Variants in TRPM3 observed in about 807,000 individuals in gnomAD.
The protein encoded by TRPM3 is long transient receptor potential channel 3.
In TRPM3, 77 loss-of-function variants were observed where a neutral mutation model predicts 181.2. That is an observed-to-expected ratio of 0.42 (90% CI 0.35 to 0.51). The LOEUF is 0.51. Among genes scored for constraint, TRPM3 ranks in the 20% least tolerant of loss-of-function variants. The probability of loss-of-function intolerance (pLI) is 0.01; values close to 1 mark genes in which losing one functional copy is unlikely to be tolerated. For synonymous variants in TRPM3, 745 were observed against 796.4 expected (o/e 0.94, Z 1.09); for missense variants, 1,759 against 2,196.7 (o/e 0.80, Z 3.98).
At chr9:71,184,831 T>G (rs1015936100) in intron 1 of TRPM3, among the ~76,000 whole-genome samples, 3 of 152,118 alleles carry the variant, frequency 2.0e-5, no homozygotes, top group African/African-American at 7.2e-5. Flanking sequence ...CATGTGTTGC[T>G]TAGGCCAGAG....
chr9:70,643,427 CA>C (rs2058368423), intron 9 of TRPM3, among the ~76,000 whole-genome samples: 1 of 152,142 alleles, frequency 6.6e-6, no homozygotes, highest in African/African-American at 2.4e-5. Context: ...TAGCAGGAAG[CA>C]GTTATTGAGG....
At chr9:70,790,870 A>T (rs866058978) in intron 6 of TRPM3, among the ~76,000 whole-genome samples, 2 of 152,216 alleles carry the variant, frequency 1.3e-5, no homozygotes, top group Non-Finnish European at 2.9e-5. Flanking sequence ...AACTGTGGAA[A>T]TATTATTGTA....
At chr9:71,318,567 A>G (rs1393658939) in intron 1 of TRPM3, among the ~76,000 whole-genome samples, 7 of 152,180 alleles carry the variant, frequency 4.6e-5, no homozygotes, top group Non-Finnish European at 8.8e-5. Flanking sequence ...TTATAAAAGC[A>G]GTTGCCGGGA....
intron 9 of TRPM3, among the ~76,000 whole-genome samples, chr9:70,651,116 G>A (rs1466422016): frequency 2.0e-5 from 3 of 152,074 alleles, no homozygotes; most frequent in African/African-American, 7.2e-5. Flanking sequence ...AGAGACCAAC[G>A]TTCGGGTTAT....
chr9:71,178,089 C>G (rs1225629505), intron 1 of TRPM3, among the ~76,000 whole-genome samples: 2 of 151,870 alleles, frequency 1.3e-5, no homozygotes, highest in Non-Finnish European at 2.9e-5. Context: ...TTTTATCATA[C>G]AGTACACTGT....
intron 1 of TRPM3, among the ~76,000 whole-genome samples, chr9:71,057,912 A>G (rs2060853352): frequency 6.6e-6 from 1 of 152,108 alleles, no homozygotes; most frequent in Non-Finnish European, 1.5e-5. Flanking sequence ...TGCTTTTAAA[A>G]TATGCATTCA....
Position 71,345,230 on chromosome 9 carries a change from C to T in TRPM3, c.183+101423G>A, listed in dbSNP as rs551037113. Among the ~76,000 whole-genome samples, 145 of 152,236 alleles carry T rather than the reference C, an allele frequency of 9.5e-4. 1 individual carries two copies. Among genetic ancestry groups the T allele is most frequent in the South Asian group, 6.0e-3 (29 of 4,822 alleles). ...AGAAATACCATTTGACCCATCAATC[C>T]CATTACTGGGTATATGCCCAAAGGA... On this transcript the variant is annotated intron_variant, in intron 1 of 24. Transcript: ENST00000357533.
chr9:70,804,625 T>C (rs2090190823), intron 6 of TRPM3, among the ~76,000 whole-genome samples: 1 of 152,130 alleles, frequency 6.6e-6, no homozygotes, highest in Non-Finnish European at 1.5e-5. Flanking sequence ...CTTTGCTATT[T>C]CCTCCTTACC....
intron 1 of TRPM3, among the ~76,000 whole-genome samples, chr9:70,989,532 G>A (rs2097456101): frequency 6.6e-6 from 1 of 152,154 alleles, no homozygotes; most frequent in Admixed American, 6.5e-5. Context: ...CCTTATTACT[G>A]TTGTTGACTT....
chr9:71,232,098 T>C (rs746154477), intron 1 of TRPM3, among the ~76,000 whole-genome samples: 9 of 152,204 alleles, frequency 5.9e-5, no homozygotes, highest in Non-Finnish European at 1.0e-4. Flanking sequence ...AAGTTAAAAA[T>C]GATGGCTAGC....
chr9:71,289,328 A>G (rs1005121256), intron 1 of TRPM3, among the ~76,000 whole-genome samples: 3 of 152,194 alleles, frequency 2.0e-5, no homozygotes, highest in Non-Finnish European at 2.9e-5. Flanking sequence ...ACGTTTTAAA[A>G]AGGAAAGCAA....
chr9:70,636,304 C>T lies in TRPM3; in HGVS notation c.1582-1043G>A, dbSNP rs189971501. The stretch of plus-strand genomic sequence containing the variant: ...AAAAATGTAAAAAAAAAAAAAAAAT[C>T]TTAGCTTGCAGCCCATACAGAAACA... On this transcript the variant is annotated intron_variant, in intron 11 of 25. Transcript: ENST00000677713. Among the ~76,000 whole-genome samples, 361 of 150,286 alleles carry T rather than the reference C, an allele frequency of 2.4e-3. 3 individuals are homozygous for T. Among genetic ancestry groups the T allele is most frequent in the African/African-American group, 8.5e-3 (347 of 40,820 alleles).
intron 1 of TRPM3, among the ~76,000 whole-genome samples, chr9:71,376,850 T>C (rs1449564818): frequency 6.6e-6 from 1 of 152,090 alleles, no homozygotes; most frequent in Non-Finnish European, 1.5e-5. Flanking sequence ...CCACTCAATA[T>C]TTAAGTTGAA....
At chr9:70,917,853 C>T (rs114520160) in intron 1 of TRPM3, among the ~76,000 whole-genome samples, 327 of 151,742 alleles carry the variant, frequency 2.2e-3, no homozygotes, top group African/African-American at 7.5e-3. Context: ...CATAGAGTCA[C>T]TCAATGGATA....
At chr9:71,004,525 G>A (rs1488101022) in intron 1 of TRPM3, among the ~76,000 whole-genome samples, 4 of 152,222 alleles carry the variant, frequency 2.6e-5, no homozygotes, top group African/African-American at 4.8e-5. Flanking sequence ...GGCAAATGGG[G>A]GAGGTCTCCT....
At chr9:70,940,386 T>C (rs2096874046) in intron 1 of TRPM3, among the ~76,000 whole-genome samples, 1 of 152,228 alleles carries the variant, frequency 6.6e-6, no homozygotes, top group Non-Finnish European at 1.5e-5. Context: ...TAGGACTTCA[T>C]TAGAATATAA....
intron 1 of TRPM3, among the ~76,000 whole-genome samples, chr9:71,008,014 T>C (rs1268707016): frequency 1.3e-5 from 2 of 151,376 alleles, no homozygotes; most frequent in South Asian, 2.1e-4. Context: ...ATAAATAATA[T>C]GGACAAAAAT....
At position 71,011,705 on chromosome 9, in the gene TRPM3, T is replaced by A. The variant is rs548023242; in HGVS notation, c.177+109473A>T. Among the ~76,000 whole-genome samples, 22 of 151,762 alleles carry A rather than the reference T, an allele frequency of 1.4e-4. No individual in the cohort carries two copies. The South Asian group carries it at 4.6e-3, about 32-fold the overall frequency. ...TTATAAATTTCTTTACTTAATTGCA[T>A]CTTGATTTTAAATAATAATAAAAAG... On this transcript the variant is annotated intron_variant, in intron 1 of 25. Coordinates refer to ENST00000677713, the MANE Select transcript of TRPM3 (RefSeq NM_001366145.2).
chr9:71,155,924 G>A (rs917435995), intron 1 of TRPM3, among the ~76,000 whole-genome samples: 98 of 152,242 alleles, frequency 6.4e-4, no homozygotes, highest in African/African-American at 2.2e-3. Flanking sequence ...CAGGGAAAGT[G>A]TCAAGTATAG....
Sources: gnomAD v4.1 joint callset for allele counts (sites outside exome capture counted in the v4.1 genomes callset) on GRCh38, gnomAD v4.1.1 for gene constraint, MANE v1.5 for transcripts, NCBI Gene and HGNC (gene_info 2026-07-23, HGNC 2026-07-21) for gene names.